Variants in ECHS1 observed in about 807,000 individuals in gnomAD.
The protein encoded by ECHS1 is enoyl-CoA hydratase, mitochondrial.
Under a neutral mutation model 33.5 loss-of-function variants are expected in ECHS1, and 19 were observed. That is an observed-to-expected ratio of 0.57 (90% CI 0.40 to 0.83). ECHS1 has a LOEUF of 0.83. Among genes scored for constraint, ECHS1 ranks in the 40% least tolerant of loss-of-function variants. The probability of loss-of-function intolerance (pLI) is 0.00; values close to 1 mark genes in which losing one functional copy is unlikely to be tolerated. For missense variants in ECHS1, 365 were observed against 381.3 expected (o/e 0.96, Z 0.36); for synonymous variants, 158 against 146.6 (o/e 1.08, Z -0.56).
intron 1 of ECHS1, chr10:133,371,482 G>C (rs551890038): frequency 5.2e-5 from 8 of 154,684 alleles, no homozygotes. Context: ...CCTTGCACTT[G>C]GTACCGCCCC....
intron 6 of ECHS1, among the ~76,000 whole-genome samples, chr10:133,365,111 G>A (rs1211535413): frequency 1.3e-5 from 2 of 152,230 alleles, no homozygotes; most frequent in Non-Finnish European, 2.9e-5. Context: ...GGGCGCGGCC[G>A]GCACCAAGAA....
chr10:133,365,339 G>A (rs1340694571), intron 6 of ECHS1, among the ~76,000 whole-genome samples: 7 of 152,208 alleles, frequency 4.6e-5, no homozygotes, highest in East Asian at 1.9e-4. Flanking sequence ...CGGCAAGCCC[G>A]GGGGACGGCC....
Position 133,370,756 on chromosome 10 carries a change from A to G in ECHS1, c.90T>C (p.Gly30=), listed in dbSNP as rs774009660. 8.7e-6 allele frequency: 14 copies of G among 1,607,906 alleles called. No individual in the cohort carries two copies. The highest frequency in any genetic ancestry group is 1.2e-5 in the Non-Finnish European group (14 of 1,177,686). Residue 30 remains glycine (G), a splice_region_variant and synonymous_variant, in exon 2 of 8, where the codon GGT becomes GGC. Transcript: ENST00000368547. ...CTGCGATGATGTACTCAAAGTTAGC[A>G]CCTGGAGCAAGAAGGCAAAAAGGGG... The part of the protein sequence containing the change: ...RCPAWRPFAS[G]ANFEYIIAEK...
In ECHS1 at chr10:133,362,587, G is replaced by A. The variant is rs4604; in HGVS notation, c.*281C>T. The A allele has an allele frequency of 0.8, 394,164 of 493,812 alleles. 162,587 individuals carry two copies. The highest frequency in any genetic ancestry group is 0.96 in the East Asian group (26,597 of 27,738). 30.6% of individuals were successfully genotyped at this position (493,812 alleles called of 1,614,324 possible). The stretch of plus-strand genomic sequence containing the variant: ...TTCAGCGGCAGGGACACAAGGACCC[G>A]CAGGCCCCGCTTTCCGTCCGAGCAC... On this transcript the variant is annotated 3_prime_UTR_variant, in exon 8 of 8. Coordinates refer to ENST00000368547, the MANE Select transcript of ECHS1 (RefSeq NM_004092.4).
rs1468132563 is a variant in ECHS1 at position 133,373,321 on chromosome 10, G to T, written c.13C>A (p.Arg5Ser). Residue 5 changes from arginine (R) to serine (S), a missense_variant, in exon 1 of 8, where the codon CGT (arginine) becomes AGT (serine). Coordinates refer to ENST00000368547, the MANE Select transcript of ECHS1 (RefSeq NM_004092.4). MAAL[R>S]VLLSCVRGPL... Reference sequence around the variant, plus strand: ...CCGCGGACGCAGGACAGCAGGACACGCAGGGCGGCCATGGCTCTCTGGACT... The same window carrying T: ...CCGCGGACGCAGGACAGCAGGACACTCAGGGCGGCCATGGCTCTCTGGACT... 6.7e-7 allele frequency: 1 copy of T among 1,503,186 alleles called. No homozygotes were observed. The highest frequency in any genetic ancestry group is 8.8e-7 in the Non-Finnish European group (1 of 1,131,984). The allele number at this position is 1,503,186 out of a possible 1,614,324, so 93.1% of individuals were successfully genotyped here. A position where few individuals can be genotyped will look rare whatever the true frequency, so the allele number is the denominator to read the frequency against.
chr10:133,364,823 T>C, intron 6 of ECHS1, 98 bp from the exon 7 acceptor site: 1 of 959,464 alleles, frequency 1.0e-6, no homozygotes, highest in Non-Finnish European at 1.7e-6. Context: ...CATGCACAAC[T>C]GTGCTTTCGA....
chr10:133,370,956 C>T (rs1377372108), intron 1 of ECHS1, among the ~76,000 whole-genome samples, 199 bp from the exon 2 acceptor site: 4 of 152,204 alleles, frequency 2.6e-5, no homozygotes, highest in Non-Finnish European at 5.9e-5. Flanking sequence ...ATTCTCTCTG[C>T]TTTCACATGT....
intron 7 of ECHS1, among the ~76,000 whole-genome samples, chr10:133,363,286 C>T (rs186703630): frequency 5.1e-4 from 77 of 152,256 alleles, no homozygotes; most frequent in African/African-American, 1.8e-3. Context: ...TGGAGTAGGA[C>T]GTGAGAACTC....
chr10:133,365,562 C>T (rs562299158), intron 6 of ECHS1, among the ~76,000 whole-genome samples: 62 of 152,352 alleles, frequency 4.1e-4, no homozygotes, highest in Admixed American at 6.5e-4. Context: ...GAACGAACAG[C>T]GTGGTGCTGG....
At position 133,369,946 on chromosome 10, in the gene ECHS1, G is replaced by A. The variant is rs775905890; in HGVS notation, c.372C>T (p.Thr124=). ...SKFLKHWDHL[T]QVKKPVIAAV... is the part of the protein sequence containing the mutation. ...CAGCGATGACTGGCTTCTTGACCTGGGTGAGGTGGTCCCAGTGCTTCAAGA... is the reference window on the plus strand; with the variant it reads ...CAGCGATGACTGGCTTCTTGACCTGAGTGAGGTGGTCCCAGTGCTTCAAGA... Residue 124 remains threonine, a synonymous_variant, in exon 3 of 8, where the codon ACC becomes ACT. Coordinates refer to ENST00000368547, the MANE Select transcript of ECHS1 (RefSeq NM_004092.4). 6.2e-7 allele frequency: 1 copy of A among 1,613,866 alleles called. No individual in the cohort carries two copies. The highest frequency in any genetic ancestry group is 1.7e-5 in the Admixed American group (1 of 60,024).
At chr10:133,366,688 G>A (rs1489173024) in intron 5 of ECHS1, among the ~76,000 whole-genome samples, 2 of 148,966 alleles carry the variant, frequency 1.3e-5, no homozygotes, top group African/African-American at 5.2e-5. Flanking sequence ...TGCAGCTCTG[G>A]GTTTCTGTGG....
chr10:133,368,748 C>A (rs982862402), intron 4 of ECHS1, among the ~76,000 whole-genome samples, 175 bp downstream of exon 4: 2 of 152,206 alleles, frequency 1.3e-5, no homozygotes, highest in African/African-American at 4.8e-5. Flanking sequence ...AGGCCCCCCC[C>A]AAGCTCTGTC....
rs1242355414 is a variant in ECHS1, at chr10:133,364,744, G to A, written c.740-19C>T. 2 of 1,605,804 alleles carry A rather than the reference G, an allele frequency of 1.2e-6. No homozygotes were observed. The highest frequency in any genetic ancestry group is 8.5e-7 in the Non-Finnish European group (1 of 1,172,616). ...TCAAAAGCTGAAAAACAAAGTCCCA[G>A]AGTTATGAACGGAGATATTACATGC... On this transcript the variant is annotated intron_variant, in intron 6 of 7. Transcript: ENST00000368547.
rs1057522965 is a variant in ECHS1, at chr10:133,373,230, C to G, written c.88+16G>C. 1 of 1,411,794 alleles carries G rather than the reference C, an allele frequency of 7.1e-7. No individual in the cohort carries two copies. 87.5% of individuals were successfully genotyped at this position (1,411,794 alleles called of 1,614,324 possible). Reference sequence around the variant, plus strand: ...CAGGAGGAGATTCGGGCCGCCAGCTCTCACCGCGCACTCACCCGAGGCGAA... The same window carrying G: ...CAGGAGGAGATTCGGGCCGCCAGCTGTCACCGCGCACTCACCCGAGGCGAA... On this transcript the variant is annotated intron_variant, in intron 1 of 7. Transcript: ENST00000368547.
chr10:133,367,118 G>A, intron 4 of ECHS1, 125 bp from the exon 5 acceptor site: 8 of 723,016 alleles, frequency 1.1e-5, no homozygotes, highest in South Asian at 6.6e-5. Flanking sequence ...AGGGGTCAGA[G>A]GCCAGGCAGC....
intron 5 of ECHS1, among the ~76,000 whole-genome samples, chr10:133,366,498 C>A (rs1249742252): frequency 6.6e-6 from 1 of 152,278 alleles, no homozygotes; most frequent in Non-Finnish European, 1.5e-5. Flanking sequence ...ACATACAGTA[C>A]TTCAAAATGT....
rs923493486 is a variant in ECHS1 at position 133,362,688 on chromosome 10, C to T, written c.*180G>A. 1.0e-5 allele frequency: 7 copies of T among 667,840 alleles called. No homozygotes were observed. The highest frequency in any genetic ancestry group is 9.1e-5 in the Admixed American group (4 of 43,932). The allele number at this position is 667,840 out of a possible 1,614,324, so 41.4% of individuals were successfully genotyped here. On this transcript the variant is annotated 3_prime_UTR_variant, in exon 8 of 8. Coordinates refer to ENST00000368547, the MANE Select transcript of ECHS1 (RefSeq NM_004092.4). ...GAAGGTGCTCCAGTCAGGACCCTCACAGGCTGGGTGACGAAGGCTGTCATG... is the reference window on the plus strand; with the variant it reads ...GAAGGTGCTCCAGTCAGGACCCTCATAGGCTGGGTGACGAAGGCTGTCATG...
At position 133,362,831 on chromosome 10, in the gene ECHS1, T is replaced by C; in HGVS notation, c.*37A>G. The C allele has an allele frequency of 6.2e-7, 1 of 1,608,356 alleles. No homozygotes were observed. Among genetic ancestry groups the C allele is most frequent in the Non-Finnish European group, 8.5e-7 (1 of 1,174,788 alleles). Reference sequence around the variant, plus strand: ...TAAAACTGACAGGCTGCACTTGTCCTCTCCAAGCAGAGGTGTGAAGCAGGG... The same window carrying C: ...TAAAACTGACAGGCTGCACTTGTCCCCTCCAAGCAGAGGTGTGAAGCAGGG... On this transcript the variant is annotated 3_prime_UTR_variant, in exon 8 of 8. Transcript: ENST00000368547.
At position 133,367,363 on chromosome 10, in the gene ECHS1, CT is replaced by C. The variant is rs1316176616; in HGVS notation, c.515-371del. ...GTATAAACATTATTAATCATTAGCT[CT>C]TAATATTACTCTTTGTTGTATTACT... On this transcript the variant is annotated intron_variant, in intron 4 of 7. Transcript: ENST00000368547. Among the ~76,000 whole-genome samples the C allele has an allele frequency of 4.9e-5, 7 of 143,520 alleles. No individual in the cohort carries two copies. In the East Asian group the frequency reaches 1.2e-3, roughly 24 times the overall value. 94.2% of individuals were successfully genotyped at this position (143,520 alleles called of 152,430 possible).
Sources: gnomAD v4.1 joint callset for allele counts (sites outside exome capture counted in the v4.1 genomes callset) on GRCh38, gnomAD v4.1.1 for gene constraint, MANE v1.5 for transcripts, NCBI Gene and HGNC (gene_info 2026-07-23, HGNC 2026-07-21) for gene names.